The following ATF7IP variants were observed in gnomAD, a reference collection of about 807,000 sequenced individuals.
ATF7IP encodes activating transcription factor 7-interacting protein 1.
A neutral mutation model predicts 106.4 loss-of-function variants in ATF7IP; 23 were observed. That is an observed-to-expected ratio of 0.22 (90% CI 0.16 to 0.31). ATF7IP has a LOEUF of 0.31. ATF7IP is among the 10% of genes least tolerant of loss of function. ATF7IP has a pLI of 1.00. For synonymous variants in ATF7IP, 542 were observed against 539.0 expected (o/e 1.01, Z -0.08); for missense variants, 1,334 against 1,524.3 (o/e 0.88, Z 2.08).
At chr12:14,372,701 CCCCT>C (rs1938578554) in intron 1 of ATF7IP, among the ~76,000 whole-genome samples, 1 of 151,972 alleles carries the variant, frequency 6.6e-6, no homozygotes, top group South Asian at 2.1e-4. Flanking sequence ...GGAGAGAGGA[CCCCT>C]TTGTATGATG....
At chr12:14,446,184 G>C (rs1413635830) in intron 5 of ATF7IP, among the ~76,000 whole-genome samples, 1 of 151,578 alleles carries the variant, frequency 6.6e-6, no homozygotes, top group Non-Finnish European at 1.5e-5. Flanking sequence ...GTCTAACTCT[G>C]TTGCCCAGGC....
chr12:14,460,345 G>C (rs1371078003), intron 8 of ATF7IP, 150 bp from the exon 9 acceptor site: 1 of 719,808 alleles, frequency 1.4e-6, no homozygotes, highest in East Asian at 2.9e-5. Context: ...TTAAATTTTG[G>C]AATTTAAATC....
chr12:14,487,125 CT>C (rs35870394), intron 13 of ATF7IP, among the ~76,000 whole-genome samples: 2 of 151,058 alleles, frequency 1.3e-5, no homozygotes, highest in African/African-American at 4.9e-5. Context: ...CTATTAGAAC[CT>C]TTTTTTTTAA....
At chr12:14,466,709 A>G (rs1408441278) in intron 10 of ATF7IP, 119 bp downstream of exon 10, 2 of 773,956 alleles carry the variant, frequency 2.6e-6, no homozygotes, top group East Asian at 5.4e-5. Context: ...TAACTATCCA[A>G]ACATTGTCTC....
chr12:14,491,548 G>A (rs1396032626), intron 13 of ATF7IP, among the ~76,000 whole-genome samples: 2 of 152,186 alleles, frequency 1.3e-5, no homozygotes, highest in African/African-American at 4.8e-5. Flanking sequence ...TCAACGTAAT[G>A]GAGCAGTGTG....
intron 5 of ATF7IP, among the ~76,000 whole-genome samples, chr12:14,446,040 A>G (rs951925133): frequency 1.3e-5 from 2 of 151,976 alleles, no homozygotes; most frequent in African/African-American, 2.4e-5. Flanking sequence ...TTTCCTTTCA[A>G]TATGTATTTG....
chr12:14,434,700 T>A (rs763718127), intron 3 of ATF7IP, among the ~76,000 whole-genome samples: 2 of 152,226 alleles, frequency 1.3e-5, no homozygotes, highest in Non-Finnish European at 2.9e-5. Flanking sequence ...ATAAATTGTT[T>A]TAGATTTATG....
chr12:14,437,281 T>C (rs1039638840), intron 4 of ATF7IP, among the ~76,000 whole-genome samples: 2 of 152,184 alleles, frequency 1.3e-5, no homozygotes, highest in Non-Finnish European at 2.9e-5. Context: ...CAATCAATGT[T>C]TTAGGACAAA....
intron 11 of ATF7IP, chr12:14,476,380 C>T (rs2136791393): frequency 7.9e-6 from 1 of 125,928 alleles, no homozygotes; most frequent in South Asian, 2.5e-4. Flanking sequence ...CCACTGCATT[C>T]CATCCTGGGT....
chr12:14,486,240 T>A (rs551396981), intron 13 of ATF7IP, among the ~76,000 whole-genome samples: 22 of 152,286 alleles, frequency 1.4e-4, no homozygotes, highest in Non-Finnish European at 2.9e-4. Context: ...AGCCCCTGCT[T>A]TAACTGGAGG....
chr12:14,413,123 TG>T (rs1171561588), intron 1 of ATF7IP, among the ~76,000 whole-genome samples: 7 of 152,376 alleles, frequency 4.6e-5, no homozygotes, highest in Admixed American at 3.3e-4. Context: ...AGATATCTTT[TG>T]TTCTGATCTT....
chr12:14,371,989 ATTAT>A (rs1379482167), intron 1 of ATF7IP, among the ~76,000 whole-genome samples: 1 of 152,112 alleles, frequency 6.6e-6, no homozygotes, highest in Non-Finnish European at 1.5e-5. Context: ...ATGTTTTAAC[ATTAT>A]TTAAACAGAT....
chr12:14,381,467 G>A (rs926005381), intron 1 of ATF7IP, among the ~76,000 whole-genome samples: 2 of 152,170 alleles, frequency 1.3e-5, no homozygotes, highest in Admixed American at 1.3e-4. Flanking sequence ...ATGGCCTTGA[G>A]TGGTCTGCCC....
intron 2 of ATF7IP, among the ~76,000 whole-genome samples, chr12:14,429,970 G>C (rs1229661690): frequency 6.6e-6 from 1 of 152,176 alleles, no homozygotes; most frequent in Non-Finnish European, 1.5e-5. Flanking sequence ...TCAGAGACTT[G>C]ACTTGTATTA....
At chr12:14,366,839 A>C (rs975806989) in intron 1 of ATF7IP, among the ~76,000 whole-genome samples, 2 of 138,370 alleles carry the variant, frequency 1.4e-5, no homozygotes, top group Non-Finnish European at 2.9e-5. Flanking sequence ...TTAATAAAAA[A>C]AATCTGTTTT....
intron 1 of ATF7IP, among the ~76,000 whole-genome samples, chr12:14,380,226 GT>G (rs1371613492): frequency 6.6e-6 from 1 of 151,768 alleles, no homozygotes; most frequent in Non-Finnish European, 1.5e-5. Context: ...TTTTTTTGAA[GT>G]TTTCTTATTC....
At chr12:14,375,043 T>C (rs1938679047) in intron 1 of ATF7IP, among the ~76,000 whole-genome samples, 1 of 151,320 alleles carries the variant, frequency 6.6e-6, no homozygotes, top group Admixed American at 6.6e-5. Flanking sequence ...AGTGTAAGAT[T>C]GCTTTCCACC....
intron 5 of ATF7IP, among the ~76,000 whole-genome samples, chr12:14,438,750 C>T (rs1400026241): frequency 6.6e-6 from 1 of 152,140 alleles, no homozygotes; most frequent in African/African-American, 2.4e-5. Context: ...TAACTAATTA[C>T]CTCTGCAATG....
At position 14,460,887 on chromosome 12, in the gene ATF7IP, C is replaced by T; in HGVS notation, c.2551C>T (p.Pro851Ser). Reference sequence around the variant, plus strand: ...TAAACCAAACAACGTTCCTTCTGTGCCCAGTCCTAGTATTCAAAGGAACCC... The same window carrying T: ...TAAACCAAACAACGTTCCTTCTGTGTCCAGTCCTAGTATTCAAAGGAACCC... ...PTKPNNVPSV[P>S]SPSIQRNPTA... Residue 851 changes from proline (P) to serine (S), a missense_variant, in exon 9 of 15, where the codon CCC (proline) becomes TCC (serine). Pro to Ser is a moderately conservative substitution (Grantham distance 74). Coordinates refer to ENST00000261168, the MANE Select transcript of ATF7IP (RefSeq NM_018179.5). 1 of 1,614,170 alleles carries T rather than the reference C, an allele frequency of 6.2e-7. No homozygotes were observed. The highest frequency in any genetic ancestry group is 8.5e-7 in the Non-Finnish European group (1 of 1,180,024).
Sources: gnomAD v4.1 joint callset for allele counts (sites outside exome capture counted in the v4.1 genomes callset) on GRCh38, gnomAD v4.1.1 for gene constraint, MANE v1.5 for transcripts, NCBI Gene and HGNC (gene_info 2026-07-23, HGNC 2026-07-21) for gene names.